RANBP17: variants seen among roughly 807,000 people sequenced by gnomAD.
RANBP17 encodes the protein RAN binding protein 17.
RANBP17 carries 158 observed loss-of-function variants against 141.2 expected under a neutral mutation model. The observed-to-expected ratio is 1.12, with a 90% CI of 0.98 to 1.28. RANBP17 has a LOEUF of 1.28. RANBP17 is among the 50% of genes most tolerant of loss of function. RANBP17 has a pLI of 0.00. For synonymous variants in RANBP17, 430 were observed against 450.0 expected (o/e 0.96, Z 0.56); for missense variants, 1,438 against 1,290.7 (o/e 1.11, Z -1.75).
chr5:171,211,493 C>T (rs1400812552), intron 20 of RANBP17, among the ~76,000 whole-genome samples: 1 of 152,118 alleles, frequency 6.6e-6, no homozygotes, highest in African/African-American at 2.4e-5. Flanking sequence ...AACCCTTGGC[C>T]TCAAGTGATC....
chr5:171,130,270 T>C lies in RANBP17; in HGVS notation c.1711-39860T>C, dbSNP rs78684713. Among the ~76,000 whole-genome samples, 112 of 152,176 alleles carry C rather than the reference T, an allele frequency of 7.4e-4. 2 individuals are homozygous for C. The East Asian group carries it at 0.02, about 27-fold the overall frequency. On this transcript the variant is annotated intron_variant, in intron 14 of 27. Coordinates refer to ENST00000523189, the MANE Select transcript of RANBP17 (RefSeq NM_022897.5). Reference sequence around the variant, plus strand: ...AAGAAATTATAGTAAGAAATATCACTCTCTTGGAATAAGCACAGGAGAAGA... The same window carrying C: ...AAGAAATTATAGTAAGAAATATCACCCTCTTGGAATAAGCACAGGAGAAGA...
intron 1 of RANBP17, among the ~76,000 whole-genome samples, chr5:170,866,399 G>A (rs747492435): frequency 2.0e-5 from 3 of 152,012 alleles, no homozygotes; most frequent in Admixed American, 1.3e-4. Context: ...CTTAGGCCGG[G>A]CATGGTGGCT....
intron 14 of RANBP17, among the ~76,000 whole-genome samples, chr5:170,972,309 G>A (rs979839356): frequency 2.3e-4 from 35 of 151,116 alleles, no homozygotes; most frequent in Non-Finnish European, 3.4e-4. Flanking sequence ...AGCCTCCCAA[G>A]TAGCTGGGAT....
In RANBP17 at chr5:170,896,081, T is replaced by C. The variant is rs1271226504; in HGVS notation, c.455T>C (p.Ile152Thr). 6.2e-7 allele frequency: 1 copy of C among 1,609,616 alleles called. No homozygotes were observed. The highest frequency in any genetic ancestry group is 1.1e-5 in the South Asian group (1 of 89,992). ...GTGGAACACTGCATAATAGGAGTAA[T>C]AATCCTTTCTGAATTGACTCAGGAA... is the stretch of plus-strand genomic sequence containing the variant. ...GTVEHCIIGV[I>T]ILSELTQEMN... Residue 152 changes from isoleucine (I) to threonine (T), a missense_variant, in exon 5 of 28, where the codon ATA (isoleucine) becomes ACA (threonine). By Grantham distance (89) the Ile-to-Thr change is moderately conservative. Coordinates refer to ENST00000523189, the MANE Select transcript of RANBP17 (RefSeq NM_022897.5).
intron 14 of RANBP17, among the ~76,000 whole-genome samples, chr5:171,070,296 A>C (rs1784559356): frequency 6.6e-6 from 1 of 152,128 alleles, no homozygotes; most frequent in African/African-American, 2.4e-5. Context: ...CAAAAATCTG[A>C]TTGCCATTTT....
chr5:171,285,774 G>A (rs993484403), intron 25 of RANBP17, among the ~76,000 whole-genome samples: 2 of 152,178 alleles, frequency 1.3e-5, no homozygotes, highest in Non-Finnish European at 2.9e-5. Flanking sequence ...TTGCTCCACA[G>A]TACATCTCTG....
rs759739739 is a variant in RANBP17 at position 170,916,456 on chromosome 5, AT to A, written c.835-3del. 3 of 1,516,240 alleles carry A rather than the reference AT, an allele frequency of 2.0e-6. No individual in the cohort carries two copies. The highest frequency in any genetic ancestry group is 2.7e-6 in the Non-Finnish European group (3 of 1,128,114). 93.9% of individuals were successfully genotyped at this position (1,516,240 alleles called of 1,614,324 possible). ...AAAATTGAAATGAAATTTTTTTGGTATTTTTTAGGCACTTTCATGTTTAGTT... is the reference window on the plus strand; with the variant it reads ...AAAATTGAAATGAAATTTTTTTGGTATTTTTAGGCACTTTCATGTTTAGTT... On this transcript the variant is annotated splice_region_variant and splice_polypyrimidine_tract_variant and intron_variant, in intron 8 of 27. Coordinates refer to ENST00000523189, the MANE Select transcript of RANBP17 (RefSeq NM_022897.5).
At chr5:171,183,995 G>T (rs542395145) in intron 18 of RANBP17, among the ~76,000 whole-genome samples, 1 of 152,126 alleles carries the variant, frequency 6.6e-6, no homozygotes, top group African/African-American at 2.4e-5. Flanking sequence ...GGGATGGGGG[G>T]ACAATACTTC....
chr5:170,914,865 A>C (rs997462560), intron 8 of RANBP17, among the ~76,000 whole-genome samples: 6 of 152,172 alleles, frequency 3.9e-5, no homozygotes, highest in Admixed American at 6.5e-5. Context: ...TGTAAGTTTA[A>C]GTTTAAACTT....
At chr5:171,170,311 CTT>C (rs2127881705) in intron 15 of RANBP17, 108 bp downstream of exon 15, 5 of 476,192 alleles carry the variant, frequency 1.0e-5, no homozygotes, top group East Asian at 1.0e-4. Flanking sequence ...AAATAAAAGA[CTT>C]AAAATTATGC....
chr5:170,997,696 C>T (rs1778910045), intron 14 of RANBP17, among the ~76,000 whole-genome samples: 1 of 152,258 alleles, frequency 6.6e-6, no homozygotes, highest in Middle Eastern at 3.4e-3. Flanking sequence ...TATGAACAGA[C>T]TCACATCTAT....
intron 14 of RANBP17, among the ~76,000 whole-genome samples, chr5:171,145,656 A>G (rs911285988): frequency 6.6e-6 from 1 of 152,152 alleles, no homozygotes; most frequent in African/African-American, 2.4e-5. Context: ...CAATTACACA[A>G]CTTCAAGAAG....
chr5:171,298,800 C>T lies in RANBP17; in HGVS notation c.3209C>T (p.Ala1070Val). ...QNLSVFRRDVAEALRSDGNTE... is the reference protein window; with the variant it reads ...QNLSVFRRDVVEALRSDGNTE... ...CTGTCTGTATTCAGAAGAGATGTGG[C>T]AGAGGCGTTGCGCAGTGATGGCAAC... is the stretch of plus-strand genomic sequence containing the variant. Residue 1070 changes from alanine (A) to valine (V), a missense_variant, in exon 28 of 28, where the codon GCA becomes GTA. Coordinates refer to ENST00000523189, the MANE Select transcript of RANBP17 (RefSeq NM_022897.5). 1 of 1,614,190 alleles carries T rather than the reference C, an allele frequency of 6.2e-7. No individual in the cohort carries two copies. The highest frequency in any genetic ancestry group is 8.5e-7 in the Non-Finnish European group (1 of 1,180,012).
chr5:171,061,333 A>C (rs1257062321), intron 14 of RANBP17, among the ~76,000 whole-genome samples: 1 of 152,010 alleles, frequency 6.6e-6, no homozygotes, highest in African/African-American at 2.4e-5. Flanking sequence ...ACTGCTTTGA[A>C]TGTGTCCCAG....
At chr5:171,193,113 C>T (rs1313527167) in intron 18 of RANBP17, among the ~76,000 whole-genome samples, 2 of 152,156 alleles carry the variant, frequency 1.3e-5, no homozygotes, top group African/African-American at 4.8e-5. Context: ...TTTCTTCGCC[C>T]AGTGCCTATG....
At chr5:171,042,052 G>A (rs1283242335) in intron 14 of RANBP17, among the ~76,000 whole-genome samples, 1 of 152,024 alleles carries the variant, frequency 6.6e-6, no homozygotes, top group African/African-American at 2.4e-5. Flanking sequence ...CTCTATCCAT[G>A]TCCCTGCAAA....
chr5:170,948,463 A>G (rs1774938741), intron 12 of RANBP17, among the ~76,000 whole-genome samples: 1 of 152,248 alleles, frequency 6.6e-6, no homozygotes, highest in Non-Finnish European at 1.5e-5. Context: ...AAGTCCATTT[A>G]TAGTATTATC....
At chr5:170,896,908 C>A in intron 5 of RANBP17, 1 of 631,756 alleles carries the variant, frequency 1.6e-6, no homozygotes, top group South Asian at 1.7e-5. Flanking sequence ...CACAAGCGCC[C>A]CCAGCTGACT....
At chr5:171,149,984 G>T (rs186832541) in intron 14 of RANBP17, among the ~76,000 whole-genome samples, 29 of 152,290 alleles carry the variant, frequency 1.9e-4, no homozygotes, top group Admixed American at 1.9e-3. Flanking sequence ...GGGGAGGCAA[G>T]CAGAGTGTTG....
Sources: allele counts gnomAD v4.1 joint callset (sites outside exome capture counted in the v4.1 genomes callset), GRCh38; gene constraint gnomAD v4.1.1; transcripts MANE v1.5; gene names NCBI Gene and HGNC (gene_info 2026-07-23, HGNC 2026-07-21).